The following HS3ST5 variants were observed in gnomAD, a reference collection of about 807,000 sequenced individuals.
The protein encoded by HS3ST5 is heparan sulfate glucosamine 3-O-sulfotransferase 5.
In HS3ST5, 10 loss-of-function variants were observed where a neutral mutation model predicts 25.4. That is an observed-to-expected ratio of 0.39 (90% CI 0.24 to 0.67). The LOEUF is 0.67. Ranked by LOEUF, HS3ST5 falls within the 30% of genes least tolerant of loss-of-function variation. The pLI is 0.44. For missense variants in HS3ST5, 324 were observed against 420.7 expected (o/e 0.77, Z 2.01); for synonymous variants, 170 against 162.4 (o/e 1.05, Z -0.36).
chr6:114,123,445 A>G (rs774631560), intron 3 of HS3ST5, among the ~76,000 whole-genome samples: 5 of 152,368 alleles, frequency 3.3e-5, no homozygotes, highest in East Asian at 1.9e-4. Context: ...TGAACAAAGT[A>G]TATACCCAAG....
chr6:114,141,780 C>A (rs1430597496), intron 3 of HS3ST5, among the ~76,000 whole-genome samples: 8 of 152,058 alleles, frequency 5.3e-5, no homozygotes, highest in Non-Finnish European at 7.4e-5. Context: ...TCCTGTCCTA[C>A]AGACATGGGC....
intron 1 of HS3ST5, among the ~76,000 whole-genome samples, chr6:114,276,861 T>C (rs927670931): frequency 6.6e-6 from 1 of 152,018 alleles, no homozygotes; most frequent in African/African-American, 2.4e-5. Flanking sequence ...ATATTTGCTC[T>C]TTCCTATATC....
intron 1 of HS3ST5, among the ~76,000 whole-genome samples, chr6:114,316,373 C>G (rs544769004): frequency 1.3e-5 from 2 of 152,140 alleles, no homozygotes; most frequent in Non-Finnish European, 2.9e-5. Flanking sequence ...TCTAAGGACA[C>G]TCATAAAACA....
chr6:114,184,164 A>G (rs1780103462), intron 2 of HS3ST5, among the ~76,000 whole-genome samples: 1 of 138,866 alleles, frequency 7.2e-6, no homozygotes, highest in South Asian at 2.2e-4. Context: ...TCCTGGGTTC[A>G]TGCCATTCTC....
At chr6:114,144,631 CA>C (rs1778065635) in intron 3 of HS3ST5, among the ~76,000 whole-genome samples, 1 of 152,094 alleles carries the variant, frequency 6.6e-6, no homozygotes, top group Admixed American at 6.5e-5. Context: ...TAGCAGGTCC[CA>C]AAAATCCATA....
At chr6:114,105,218 A>C (rs768752426) in intron 3 of HS3ST5, among the ~76,000 whole-genome samples, 4 of 152,182 alleles carry the variant, frequency 2.6e-5, no homozygotes, top group Non-Finnish European at 4.4e-5. Flanking sequence ...GAGCGCTGAA[A>C]AGTGATATAT....
chr6:114,262,249 T>C (rs1418209803), intron 1 of HS3ST5, among the ~76,000 whole-genome samples: 1 of 152,130 alleles, frequency 6.6e-6, no homozygotes, highest in Non-Finnish European at 1.5e-5. Flanking sequence ...TAACATCTTA[T>C]AAAAATATTT....
At chr6:114,328,537 T>C (rs763299048) in intron 1 of HS3ST5, among the ~76,000 whole-genome samples, 5 of 152,236 alleles carry the variant, frequency 3.3e-5, no homozygotes, top group Admixed American at 6.5e-5. Flanking sequence ...CTACTGTCTT[T>C]CTTTCTTTTT....
intron 1 of HS3ST5, among the ~76,000 whole-genome samples, chr6:114,271,192 T>G (rs983779015): frequency 3.3e-5 from 5 of 152,136 alleles, no homozygotes; most frequent in Non-Finnish European, 5.9e-5. Context: ...GGCTTCCAGT[T>G]GCCTTTGCTG....
intron 3 of HS3ST5, 136 bp from the exon 4 acceptor site, chr6:114,063,013 T>G: frequency 1.8e-6 from 1 of 564,932 alleles, no homozygotes. Context: ...ACAAGTGTCA[T>G]GATGTAACAG....
At chr6:114,239,190 A>G (rs1222618548) in intron 1 of HS3ST5, 2 of 152,220 alleles carry the variant, frequency 1.3e-5, no homozygotes, top group African/African-American at 4.8e-5. Context: ...ATCTCATTAT[A>G]CACATAAAAA....
chr6:114,167,195 C>T (rs375438428), intron 3 of HS3ST5, among the ~76,000 whole-genome samples: 13 of 152,264 alleles, frequency 8.5e-5, no homozygotes, highest in African/African-American at 2.4e-4. Context: ...CTGGTCACTG[C>T]GCACATGTGT....
intron 1 of HS3ST5, among the ~76,000 whole-genome samples, chr6:114,317,636 G>C (rs1775793229): frequency 6.6e-6 from 1 of 152,052 alleles, no homozygotes; most frequent in Non-Finnish European, 1.5e-5. Flanking sequence ...TATAGTGGTA[G>C]GTTAGGCACC....
At chr6:114,319,446 G>T (rs976930261) in intron 1 of HS3ST5, among the ~76,000 whole-genome samples, 1 of 152,136 alleles carries the variant, frequency 6.6e-6, no homozygotes. Flanking sequence ...CTATGGCTAT[G>T]TCTTGCTGAT....
chr6:114,142,523 A>G (rs1777960163), intron 3 of HS3ST5, among the ~76,000 whole-genome samples: 1 of 152,194 alleles, frequency 6.6e-6, no homozygotes, highest in Non-Finnish European at 1.5e-5. Context: ...TGAGGATAAC[A>G]CAAGCCTTGT....
At chr6:114,065,627 T>C (rs1773405563) in intron 3 of HS3ST5, among the ~76,000 whole-genome samples, 1 of 152,218 alleles carries the variant, frequency 6.6e-6, no homozygotes, top group South Asian at 2.1e-4. Flanking sequence ...GTTTATTAGC[T>C]TGCCAGACTA....
intron 1 of HS3ST5, among the ~76,000 whole-genome samples, chr6:114,317,367 A>G (rs2114865821): frequency 6.6e-6 from 1 of 152,254 alleles, no homozygotes; most frequent in South Asian, 2.1e-4. Context: ...GGTAATCGTT[A>G]ACACACTTGG....
chr6:114,257,274 T>C (rs1582765004), intron 1 of HS3ST5, among the ~76,000 whole-genome samples: 1 of 152,130 alleles, frequency 6.6e-6, no homozygotes, highest in Non-Finnish European at 1.5e-5. Flanking sequence ...GTTTTTAACG[T>C]AGAAAAATAA....
rs1779601476 is a variant in HS3ST5 at position 114,174,037 on chromosome 6, C to T, written c.-144-5575G>A. On this transcript the variant is annotated intron_variant, in intron 2 of 4. Coordinates refer to ENST00000312719, the MANE Select transcript of HS3ST5 (RefSeq NM_153612.4). ...TGGCTCCCCCAAACTGCCCCTCCCC[C>T]TGATTGTGACCTTGCGTGACTGGGG... Among the ~76,000 whole-genome samples the T allele has an allele frequency of 2.0e-5, 3 of 152,238 alleles. No individual in the cohort carries two copies. The South Asian group carries it at 6.2e-4, about 32-fold the overall frequency.
Sources: allele counts gnomAD v4.1 joint callset (sites outside exome capture counted in the v4.1 genomes callset), GRCh38; gene constraint gnomAD v4.1.1; transcripts MANE v1.5; gene names NCBI Gene and HGNC (gene_info 2026-07-23, HGNC 2026-07-21).